ASXL3: variants seen among roughly 807,000 people sequenced by gnomAD.
ASXL3 encodes ASXL transcriptional regulator 3, also known as putative Polycomb group protein ASXL3.
A neutral mutation model predicts 170.6 loss-of-function variants in ASXL3; 34 were observed. The ratio of observed to expected loss-of-function variants is 0.20; its 90% CI spans 0.15 to 0.27. The LOEUF is 0.27. ASXL3 is among the 10% of genes least tolerant of loss of function. ASXL3 has a pLI of 1.00. For missense variants in ASXL3, 2,592 were observed against 2,695.3 expected, an observed-to-expected ratio of 0.96 and a Z score of 0.85; for synonymous variants, 1,002 against 989.1, an observed-to-expected ratio of 1.01 and a Z score of -0.24.
At position 33,621,878 on chromosome 18, in the gene ASXL3, TAAC is replaced by T. The variant is rs538034883; in HGVS notation, c.137+14206_137+14208del. On this transcript the variant is annotated intron_variant, in intron 2 of 11. Transcript: ENST00000269197. ...TCTTTTCAGATTTTCCCCATGGACT[TAAC>T]AACCCACTCTGTTTCTTTATTTACA... Among the ~76,000 whole-genome samples, 3 of 152,176 alleles carry T rather than the reference TAAC, an allele frequency of 2.0e-5. No homozygotes were observed. In the South Asian group the frequency reaches 6.2e-4, roughly 32 times the overall value.
rs556207333 is a variant in ASXL3, at chr18:33,720,236, C to CT, written c.880-11731dup. ...AGGCTCTTGGATCAGCAGAAGCTGTCTATCTGTTTCACAGTTCCTGGCACA... is the reference window on the plus strand; with the variant it reads ...AGGCTCTTGGATCAGCAGAAGCTGTCTTATCTGTTTCACAGTTCCTGGCACA... On this transcript the variant is annotated intron_variant, in intron 8 of 11. Transcript: ENST00000269197. Among the ~76,000 whole-genome samples, 28 of 152,132 alleles carry CT rather than the reference C, an allele frequency of 1.8e-4. No homozygotes were observed. The East Asian group carries it at 5.2e-3, about 28-fold the overall frequency.
intron 1 of ASXL3, among the ~76,000 whole-genome samples, chr18:33,581,943 T>C (rs2064996201): frequency 6.6e-6 from 1 of 152,336 alleles, no homozygotes; most frequent in Non-Finnish European, 1.5e-5. Context: ...CCCTTCTTTT[T>C]TCTTCTGCCC....
chr18:33,582,438 A>G (rs1162590873), intron 1 of ASXL3, among the ~76,000 whole-genome samples: 2 of 152,148 alleles, frequency 1.3e-5, no homozygotes, highest in Non-Finnish European at 2.9e-5. Context: ...ACATGCAAAA[A>G]TATTGCTTTG....
Position 33,745,633 on chromosome 18 carries a change from C to G in ASXL3, c.5785C>G (p.Gln1929Glu). 4 of 1,613,958 alleles carry G rather than the reference C, an allele frequency of 2.5e-6. 1 individual carries two copies. The South Asian group carries it at 4.4e-5, about 18-fold the overall frequency. ...CACTGACGCTGGTACCTCACACAGA[C>G]AGCAGTTTTACCAAATGCCTGTGGC... is the stretch of plus-strand genomic sequence containing the variant. Reference protein sequence around the residue: ...FHTDAGTSHRQQFYQMPVAAR... With the variant: ...FHTDAGTSHREQFYQMPVAAR... Residue 1929 changes from glutamine to glutamate, a missense_variant, in exon 12 of 12, where the codon CAG becomes GAG. By Grantham distance (29) the Gln-to-Glu change is conservative. Coordinates refer to ENST00000269197, the MANE Select transcript of ASXL3 (RefSeq NM_030632.3).
chr18:33,581,012 A>G (rs1203695652), intron 1 of ASXL3, among the ~76,000 whole-genome samples: 1 of 152,154 alleles, frequency 6.6e-6, no homozygotes, highest in East Asian at 1.9e-4. Context: ...AGAAAGGAGA[A>G]ATTGATCCAT....
chr18:33,716,508 T>C (rs1262554387), intron 8 of ASXL3, among the ~76,000 whole-genome samples: 1 of 152,184 alleles, frequency 6.6e-6, no homozygotes, highest in Non-Finnish European at 1.5e-5. Context: ...AATTGTGGCA[T>C]AGGTGTTTCG....
At chr18:33,668,577 A>T (rs1196349924) in intron 5 of ASXL3, among the ~76,000 whole-genome samples, 1 of 152,196 alleles carries the variant, frequency 6.6e-6, no homozygotes, top group African/African-American at 2.4e-5. Context: ...TATATTCAAA[A>T]AACATCATAC....
intron 8 of ASXL3, among the ~76,000 whole-genome samples, chr18:33,728,521 T>G (rs2067385385): frequency 6.6e-6 from 1 of 152,224 alleles, no homozygotes; most frequent in East Asian, 1.9e-4. Context: ...GTATATCATT[T>G]ATATGACTAT....
At chr18:33,708,233 G>T (rs1331439664) in intron 8 of ASXL3, among the ~76,000 whole-genome samples, 1 of 152,154 alleles carries the variant, frequency 6.6e-6, no homozygotes, top group Non-Finnish European at 1.5e-5. Flanking sequence ...AAGTTAGCTA[G>T]ACTAGAGATC....
chr18:33,628,571 C>T (rs2065633752), intron 2 of ASXL3, among the ~76,000 whole-genome samples: 1 of 152,116 alleles, frequency 6.6e-6, no homozygotes, highest in Non-Finnish European at 1.5e-5. Context: ...ACACTCTATG[C>T]TGAAAATGAA....
At chr18:33,732,860 C>CAAA (rs58760847) in intron 9 of ASXL3, among the ~76,000 whole-genome samples, 1 of 134,608 alleles carries the variant, frequency 7.4e-6, no homozygotes. Flanking sequence ...CACCCTGTCT[C>CAAA]AAAAAAAAAA....
chr18:33,588,393 A>G (rs748284572), intron 1 of ASXL3, among the ~76,000 whole-genome samples: 5 of 149,868 alleles, frequency 3.3e-5, no homozygotes, highest in Non-Finnish European at 7.4e-5. Flanking sequence ...AAAGTATTTC[A>G]TATAATCAAA....
At position 33,748,978 on chromosome 18, in the gene ASXL3, G is replaced by A. The variant is rs2067841842; in HGVS notation, c.*2383G>A. On this transcript the variant is annotated 3_prime_UTR_variant, in exon 12 of 12. Coordinates refer to ENST00000269197, the MANE Select transcript of ASXL3 (RefSeq NM_030632.3). ...TGGGAATAAGAAAAAGTGTCCTTCT[G>A]TATGTTTTGATTTTTCACATAACAG... is the stretch of plus-strand genomic sequence containing the variant. The A allele has an allele frequency of 6.6e-6, 1 of 151,728 alleles. No individual in the cohort carries two copies. The highest frequency in any genetic ancestry group is 2.1e-4 in the South Asian group (1 of 4,814). The allele number at this position is 151,728 out of a possible 1,614,324, so 9.4% of individuals were successfully genotyped here.
At chr18:33,597,978 A>G (rs1227090247) in intron 1 of ASXL3, among the ~76,000 whole-genome samples, 2 of 152,150 alleles carry the variant, frequency 1.3e-5, no homozygotes, top group Non-Finnish European at 2.9e-5. Context: ...ATGGATTCCC[A>G]AGATTTAAAA....
intron 8 of ASXL3, among the ~76,000 whole-genome samples, chr18:33,703,437 C>G (rs1014807902): frequency 6.6e-6 from 1 of 152,130 alleles, no homozygotes; most frequent in African/African-American, 2.4e-5. Context: ...GGCAAAGGCC[C>G]TAGTATTCTT....
Position 33,723,137 on chromosome 18 carries a change from T to C in ASXL3, c.880-8831T>C, listed in dbSNP as rs558529920. ...ATGTAAAAAGAGAATAATGTTTTCA[T>C]ATTACTAATGCAATACCTATTCTGC... is the stretch of plus-strand genomic sequence containing the variant. On this transcript the variant is annotated intron_variant, in intron 8 of 11. Transcript: ENST00000269197. 2.6e-5 allele frequency among the ~76,000 whole-genome samples: 4 copies of C among 152,302 alleles called. No individual in the cohort carries two copies. The South Asian group carries it at 6.2e-4, about 24-fold the overall frequency.
chr18:33,675,572 T>C (rs983128609), intron 7 of ASXL3, among the ~76,000 whole-genome samples: 5 of 152,152 alleles, frequency 3.3e-5, no homozygotes, highest in African/African-American at 1.2e-4. Context: ...TAGTCTACAA[T>C]TTTTTTCTCA....
chr18:33,587,974 A>C (rs2065047599), intron 1 of ASXL3, among the ~76,000 whole-genome samples: 1 of 152,012 alleles, frequency 6.6e-6, no homozygotes, highest in Non-Finnish European at 1.5e-5. Context: ...TAGTTGCTAC[A>C]TGTTCTCTTT....
chr18:33,686,885 T>G (rs1343732364), intron 8 of ASXL3, among the ~76,000 whole-genome samples: 1 of 152,180 alleles, frequency 6.6e-6, no homozygotes, highest in African/African-American at 2.4e-5. Flanking sequence ...CTTAATTTCT[T>G]TTTTGGGAGC....
Sources: allele counts gnomAD v4.1 joint callset (sites outside exome capture counted in the v4.1 genomes callset), GRCh38; gene constraint gnomAD v4.1.1; transcripts MANE v1.5; gene names NCBI Gene and HGNC (gene_info 2026-07-23, HGNC 2026-07-21).